NFATC3: variants seen among roughly 807,000 people sequenced by gnomAD.
The protein encoded by NFATC3 is nuclear factor of activated T-cells, cytoplasmic 3.
Under a neutral mutation model 98.6 loss-of-function variants are expected in NFATC3, and 46 were observed. The ratio of observed to expected loss-of-function variants is 0.47; its 90% confidence interval spans 0.37 to 0.60. NFATC3 has a LOEUF of 0.60. Ranked by LOEUF, NFATC3 falls within the 20% of genes least tolerant of loss-of-function variation. The pLI is 0.00. For synonymous variants in NFATC3, 512 were observed against 472.2 expected, an observed-to-expected ratio of 1.08 and a Z score of -1.09; for missense variants, 1,256 against 1,295.5, an observed-to-expected ratio of 0.97 and a Z score of 0.47.
chr16:68,127,953 T>C (rs943493118), intron 3 of NFATC3, among the ~76,000 whole-genome samples: 2 of 152,190 alleles, frequency 1.3e-5, no homozygotes, highest in African/African-American at 2.4e-5. Flanking sequence ...GTTCTATTTC[T>C]AGTTAGATTC....
At chr16:68,165,085 G>A (rs540770034) in intron 4 of NFATC3, among the ~76,000 whole-genome samples, 1 of 152,040 alleles carries the variant, frequency 6.6e-6, no homozygotes, top group South Asian at 2.1e-4. Flanking sequence ...GTATGCCTTT[G>A]CTCAGTACTT....
At chr16:68,146,274 A>G (rs2038036175) in intron 3 of NFATC3, among the ~76,000 whole-genome samples, 1 of 152,134 alleles carries the variant, frequency 6.6e-6, no homozygotes. Flanking sequence ...TTTAAGAAGA[A>G]TAAAAGTTTT....
At chr16:68,187,232 A>C (rs1443726050) in intron 8 of NFATC3, among the ~76,000 whole-genome samples, 1 of 152,190 alleles carries the variant, frequency 6.6e-6, no homozygotes, top group African/African-American at 2.4e-5. Context: ...ACTGGGGAAC[A>C]TGGTGGCTCC....
At chr16:68,147,442 C>G (rs1356683263) in intron 3 of NFATC3, among the ~76,000 whole-genome samples, 1 of 151,970 alleles carries the variant, frequency 6.6e-6, no homozygotes, top group Non-Finnish European at 1.5e-5. Context: ...TTTGCTTCAC[C>G]AAATTGTACT....
At chr16:68,132,714 G>T (rs2037179134) in intron 3 of NFATC3, among the ~76,000 whole-genome samples, 1 of 152,166 alleles carries the variant, frequency 6.6e-6, no homozygotes. Flanking sequence ...TGCCATTTGT[G>T]GCAACATGGA....
intron 3 of NFATC3, among the ~76,000 whole-genome samples, chr16:68,144,897 A>C (rs2037954698): frequency 6.6e-6 from 1 of 152,114 alleles, no homozygotes; most frequent in African/African-American, 2.4e-5. Flanking sequence ...ACCTCAGGTG[A>C]TCCACTGGCC....
chr16:68,100,019 C>T (rs1031703797), intron 1 of NFATC3, among the ~76,000 whole-genome samples: 7 of 152,204 alleles, frequency 4.6e-5, no homozygotes, highest in African/African-American at 1.2e-4. Flanking sequence ...CATTGCCTGG[C>T]GATCCTTCCA....
At chr16:68,145,319 T>G (rs1242487702) in intron 3 of NFATC3, among the ~76,000 whole-genome samples, 2 of 152,020 alleles carry the variant, frequency 1.3e-5, no homozygotes, top group Non-Finnish European at 2.9e-5. Context: ...ATTTTTATGT[T>G]TTTTGTAGAG....
chr16:68,117,656 G>T (rs1044941382), intron 1 of NFATC3, among the ~76,000 whole-genome samples: 1 of 152,066 alleles, frequency 6.6e-6, no homozygotes, highest in East Asian at 1.9e-4. Flanking sequence ...TACAGTACAG[G>T]CATGTGCCAC....
At position 68,228,585 on chromosome 16, in the gene NFATC3, T is replaced by G. The variant is rs1402327873; in HGVS notation, c.*2114T>G. The G allele has an allele frequency of 3.3e-5, 5 of 152,660 alleles. No individual in the cohort carries two copies. The highest frequency in any genetic ancestry group is 7.3e-5 in the Non-Finnish European group (5 of 68,034). The allele number at this position is 152,660 out of a possible 1,614,324, so 9.5% of individuals were successfully genotyped here. The stretch of plus-strand genomic sequence containing the variant: ...TTAAAATAAACATTAAATTTTAAAA[T>G]AGAGCTTTGTATACTATGTAAGCAG... On this transcript the variant is annotated 3_prime_UTR_variant, in exon 10 of 10. Transcript: ENST00000346183.
Position 68,131,558 on chromosome 16 carries a change from G to A in NFATC3, c.1401+4948G>A, listed in dbSNP as rs144639998. 3.4e-3 allele frequency among the ~76,000 whole-genome samples: 519 copies of A among 152,126 alleles called. 6 individuals carry two copies. Among genetic ancestry groups the A allele is most frequent in the African/African-American group, 0.012 (480 of 41,492 alleles). ...CTCCCAGAGTGCTGGGATTAGAGGC[G>A]TGAGCCACTGTGCCTGGCCAACAAA... On this transcript the variant is annotated intron_variant, in intron 3 of 9. Transcript: ENST00000346183.
Position 68,085,472 on chromosome 16 carries a change from C to A in NFATC3, c.-210C>A. The A allele has an allele frequency of 2.2e-6, 1 of 456,390 alleles. No homozygotes were observed. The highest frequency in any genetic ancestry group is 3.9e-6 in the Non-Finnish European group (1 of 258,174). 28.3% of individuals were successfully genotyped at this position (456,390 alleles called of 1,614,324 possible). A position where few individuals can be genotyped will look rare whatever the true frequency, so the allele number is the denominator to read the frequency against. ...TGGAGGCTTAGGCACCGGTGGCGGG[C>A]GGCTGCGGTTCCTGGTGCTGCTCGG... On this transcript the variant is annotated 5_prime_UTR_variant, in exon 1 of 10. Coordinates refer to ENST00000346183, the MANE Select transcript of NFATC3 (RefSeq NM_173165.3).
chr16:68,191,513 G>A lies in NFATC3; in HGVS notation c.2844G>A (p.Gln948=). ...PLSGPPSPQL[Q]PMPYQSPSSG... ...CTGGGCCACCATCTCCTCAGCTTCAGCCTATGCCTTACCAATCTCCTAGCT... is the reference window on the plus strand; with the variant it reads ...CTGGGCCACCATCTCCTCAGCTTCAACCTATGCCTTACCAATCTCCTAGCT... The change falls in exon 9 of 10, where the codon CAG becomes CAA. Residue 948 remains glutamine (Q), a synonymous_variant. Transcript: ENST00000346183. 1 of 1,614,076 alleles carries A rather than the reference G, an allele frequency of 6.2e-7. No individual in the cohort carries two copies. The highest frequency in any genetic ancestry group is 2.2e-5 in the East Asian group (1 of 44,884).
At chr16:68,132,157 T>G (rs2037145852) in intron 3 of NFATC3, among the ~76,000 whole-genome samples, 1 of 151,988 alleles carries the variant, frequency 6.6e-6, no homozygotes, top group African/African-American at 2.4e-5. Context: ...CCCCAATAAT[T>G]AACAAAATAA....
intron 9 of NFATC3, among the ~76,000 whole-genome samples, chr16:68,223,956 C>T (rs1290947756): frequency 6.8e-6 from 1 of 147,342 alleles, no homozygotes; most frequent in Non-Finnish European, 1.5e-5. Flanking sequence ...TAAAAAATTG[C>T]TTATCACTGG....
chr16:68,137,909 C>T (rs549374799), intron 3 of NFATC3, among the ~76,000 whole-genome samples: 46 of 152,164 alleles, frequency 3.0e-4, no homozygotes, highest in African/African-American at 1.1e-3. Flanking sequence ...CGTGAGCCAC[C>T]GTGCCCGGCC....
At position 68,126,629 on chromosome 16, in the gene NFATC3, T is replaced by G; in HGVS notation, c.1401+19T>G. The G allele has an allele frequency of 6.2e-7, 1 of 1,613,316 alleles. No homozygotes were observed. The highest frequency in any genetic ancestry group is 8.5e-7 in the Non-Finnish European group (1 of 1,179,450). On this transcript the variant is annotated intron_variant, in intron 3 of 9. Transcript: ENST00000346183. ...TGTGAAGGTATGAGACTTTTGGGGC[T>G]TGTTTTGCAGATACCATACACCTAG...
At chr16:68,101,132 C>A (rs2035329032) in intron 1 of NFATC3, among the ~76,000 whole-genome samples, 1 of 151,954 alleles carries the variant, frequency 6.6e-6, no homozygotes, top group African/African-American at 2.4e-5. Flanking sequence ...AGATTTTCTC[C>A]TCGGTTTTCT....
intron 8 of NFATC3, among the ~76,000 whole-genome samples, chr16:68,183,958 A>G (rs1013053563): frequency 1.3e-5 from 2 of 148,318 alleles, no homozygotes; most frequent in Non-Finnish European, 3.0e-5. Context: ...GTGAGCCGAG[A>G]TCGCACCATT....
Sources: allele counts gnomAD v4.1 joint callset (sites outside exome capture counted in the v4.1 genomes callset), GRCh38; gene constraint gnomAD v4.1.1; transcripts MANE v1.5; gene names NCBI Gene and HGNC (gene_info 2026-07-23, HGNC 2026-07-21).